The following ERBB4 variants were observed in gnomAD, a reference collection of about 807,000 sequenced individuals.
The protein encoded by ERBB4 is erb-b2 receptor tyrosine kinase 4.
A neutral mutation model predicts 158.0 loss-of-function variants in ERBB4; 42 were observed. The observed-to-expected ratio is 0.27, with a 90% confidence interval of 0.21 to 0.34. The LOEUF is 0.34. Among genes scored for constraint, ERBB4 ranks in the 10% least tolerant of loss-of-function variants. ERBB4 has a pLI of 1.00. For synonymous variants in ERBB4, 583 were observed against 558.7 expected, an observed-to-expected ratio of 1.04 and a Z score of -0.61; for missense variants, 1,333 against 1,624.1, an observed-to-expected ratio of 0.82 and a Z score of 3.08.
chr2:212,236,009 T>A (rs559987514), intron 1 of ERBB4, among the ~76,000 whole-genome samples: 2 of 152,228 alleles, frequency 1.3e-5, no homozygotes, highest in Non-Finnish European at 2.9e-5. Flanking sequence ...CTATGTTGAA[T>A]AGGAGTGATG....
intron 20 of ERBB4, among the ~76,000 whole-genome samples, chr2:211,468,933 A>C (rs953370679): frequency 2.7e-5 from 4 of 150,150 alleles, no homozygotes; most frequent in Non-Finnish European, 5.9e-5. Context: ...AAAAAAAAAA[A>C]CCCTTAAAGG....
intron 3 of ERBB4, among the ~76,000 whole-genome samples, chr2:211,818,783 CAG>C (rs151220199): frequency 0.017 from 2,595 of 151,986 alleles, 81 homozygotes; most frequent in African/African-American, 0.058. Flanking sequence ...ACAATGAAGA[CAG>C]ATTCTGTGAG....
At chr2:211,624,279 C>G (rs2069750499) in intron 17 of ERBB4, among the ~76,000 whole-genome samples, 2 of 152,064 alleles carry the variant, frequency 1.3e-5, no homozygotes, top group South Asian at 4.1e-4. Context: ...AGGGCAAACA[C>G]AAGTAACAAA....
intron 25 of ERBB4, among the ~76,000 whole-genome samples, chr2:211,404,178 G>A (rs1344617827): frequency 4.6e-5 from 7 of 151,808 alleles, no homozygotes; most frequent in Admixed American, 1.3e-4. Context: ...CTGCCCTACC[G>A]GAGCTCAACT....
At chr2:212,261,517 C>T (rs1320431728) in intron 1 of ERBB4, among the ~76,000 whole-genome samples, 2 of 151,998 alleles carry the variant, frequency 1.3e-5, no homozygotes, top group Non-Finnish European at 2.9e-5. Context: ...CAAAATAGAA[C>T]CCAAATTAAC....
intron 7 of ERBB4, among the ~76,000 whole-genome samples, chr2:211,719,141 A>G (rs1158805389): frequency 1.3e-5 from 2 of 152,218 alleles, no homozygotes; most frequent in African/African-American, 4.8e-5. Flanking sequence ...CAGTGAGCCC[A>G]TAACACATTT....
At chr2:211,949,182 C>G (rs573267635) in intron 2 of ERBB4, among the ~76,000 whole-genome samples, 7 of 152,266 alleles carry the variant, frequency 4.6e-5, no homozygotes, top group African/African-American at 1.7e-4. Flanking sequence ...TAGGTTATTG[C>G]AATAGGTCTC....
At chr2:211,387,279 TC>T (rs1294021522) in intron 26 of ERBB4, 129 bp from the exon 27 acceptor site, 1 of 807,254 alleles carries the variant, frequency 1.2e-6, no homozygotes. Context: ...TGGTTTTTTT[TC>T]CCCTAGTGGC....
intron 1 of ERBB4, among the ~76,000 whole-genome samples, chr2:212,364,252 G>C (rs2089798309): frequency 6.6e-6 from 1 of 151,650 alleles, no homozygotes; most frequent in African/African-American, 2.4e-5. Context: ...TTCAGAGCAT[G>C]TATTGCCAAA....
At chr2:212,402,426 G>A (rs1423157963) in intron 1 of ERBB4, among the ~76,000 whole-genome samples, 2 of 151,988 alleles carry the variant, frequency 1.3e-5, no homozygotes, top group African/African-American at 2.4e-5. Context: ...GTATCCTGAC[G>A]GTGGTGGTGA....
intron 1 of ERBB4, among the ~76,000 whole-genome samples, chr2:212,275,158 T>C (rs543963109): frequency 6.6e-6 from 1 of 152,090 alleles, no homozygotes; most frequent in South Asian, 2.1e-4. Context: ...AAATTTTCTT[T>C]ATCCAGTCTA....
chr2:212,060,074 A>T (rs2077712128), intron 2 of ERBB4, among the ~76,000 whole-genome samples: 1 of 152,234 alleles, frequency 6.6e-6, no homozygotes, highest in Non-Finnish European at 1.5e-5. Flanking sequence ...AGAATCTACA[A>T]AGAACTTAAA....
intron 20 of ERBB4, among the ~76,000 whole-genome samples, chr2:211,514,554 T>C (rs959906182): frequency 6.6e-6 from 1 of 152,186 alleles, no homozygotes; most frequent in African/African-American, 2.4e-5. Flanking sequence ...TAAGGACTAA[T>C]TCATTCATGC....
intron 1 of ERBB4, among the ~76,000 whole-genome samples, chr2:212,203,504 T>C (rs2082648071): frequency 6.6e-6 from 1 of 152,136 alleles, no homozygotes; most frequent in African/African-American, 2.4e-5. Context: ...GCTTTTACAG[T>C]GTGAAAGATG....
intron 15 of ERBB4, among the ~76,000 whole-genome samples, chr2:211,661,970 C>T (rs1340550533): frequency 4.8e-5 from 6 of 123,986 alleles, no homozygotes; most frequent in Admixed American, 1.0e-4. Context: ...ACCCGGGAGG[C>T]GGAGCTTGCA....
intron 1 of ERBB4, among the ~76,000 whole-genome samples, chr2:212,376,717 T>C (rs917736992): frequency 8.5e-5 from 13 of 152,066 alleles, no homozygotes; most frequent in African/African-American, 3.1e-4. Context: ...CATTCTTAAA[T>C]TCCTAGGACC....
chr2:212,491,431 T>C (rs1430007594), intron 1 of ERBB4, among the ~76,000 whole-genome samples: 2 of 151,576 alleles, frequency 1.3e-5, no homozygotes, highest in Non-Finnish European at 3.0e-5. Context: ...TACAGTAACA[T>C]GTTGTTTAAT....
intron 2 of ERBB4, among the ~76,000 whole-genome samples, chr2:212,018,946 A>C (rs2076586001): frequency 6.6e-6 from 1 of 152,150 alleles, no homozygotes; most frequent in African/African-American, 2.4e-5. Context: ...CTGGCGAATC[A>C]TTACATTAAA....
Position 211,490,127 on chromosome 2 carries a change from T to C in ERBB4, c.2488-59027A>G, listed in dbSNP as rs908882141. Among the ~76,000 whole-genome samples the C allele has an allele frequency of 3.4e-4, 51 of 152,176 alleles. 1 individual carries two copies. Among genetic ancestry groups the C allele is most frequent in the African/African-American group, 1.2e-3 (49 of 41,568 alleles). On this transcript the variant is annotated intron_variant, in intron 20 of 27. Coordinates refer to ENST00000342788, the MANE Select transcript of ERBB4 (RefSeq NM_005235.3). ...TAGTTTGGTCTTCATTGGGTAAAGATATAAAACATCTTTTCCTAAAATATG... is the reference window on the plus strand; with the variant it reads ...TAGTTTGGTCTTCATTGGGTAAAGACATAAAACATCTTTTCCTAAAATATG...
Sources: allele counts gnomAD v4.1 joint callset (sites outside exome capture counted in the v4.1 genomes callset), GRCh38; gene constraint gnomAD v4.1.1; transcripts MANE v1.5; gene names NCBI Gene and HGNC (gene_info 2026-07-23, HGNC 2026-07-21).